The following SEMA6A variants were observed in gnomAD, a reference collection of about 807,000 sequenced individuals.
SEMA6A encodes the protein semaphorin-6A.
In SEMA6A, 25 loss-of-function variants were observed where a neutral mutation model predicts 96.8. The ratio of observed to expected loss-of-function variants is 0.26; its 90% CI spans 0.19 to 0.36. SEMA6A has a LOEUF of 0.36. Ranked by LOEUF, SEMA6A falls within the 10% of genes least tolerant of loss-of-function variation. The pLI is 1.00. For synonymous variants in SEMA6A, 612 were observed against 518.0 expected (o/e 1.18, Z -2.46); for missense variants, 1,363 against 1,323.1 (o/e 1.03, Z -0.47).
At chr5:116,546,237 C>T (rs1760179869) in intron 1 of SEMA6A, among the ~76,000 whole-genome samples, 1 of 152,194 alleles carries the variant, frequency 6.6e-6, no homozygotes, top group Non-Finnish European at 1.5e-5. Context: ...CTTCCTATGA[C>T]ACAGAGTCAC....
At chr5:116,552,283 G>A (rs937520593) in intron 1 of SEMA6A, among the ~76,000 whole-genome samples, 6 of 151,886 alleles carry the variant, frequency 4.0e-5, no homozygotes, top group African/African-American at 1.5e-4. Flanking sequence ...GTGTTAAGTT[G>A]AAAATTACAA....
chr5:116,480,018 A>G, intron 12 of SEMA6A, 104 bp downstream of exon 12: 1 of 1,340,940 alleles, frequency 7.5e-7, no homozygotes, highest in South Asian at 1.3e-5. Flanking sequence ...TGCCCAGGAT[A>G]GCAGAAGATG....
intron 1 of SEMA6A, among the ~76,000 whole-genome samples, chr5:116,509,063 G>A (rs1366349334): frequency 1.3e-5 from 2 of 152,190 alleles, no homozygotes; most frequent in East Asian, 1.9e-4. Context: ...CTACATGTCC[G>A]GTTGCAGCAA....
At chr5:116,466,399 T>A (rs1051692377) in intron 18 of SEMA6A, among the ~76,000 whole-genome samples, 2 of 150,174 alleles carry the variant, frequency 1.3e-5, no homozygotes. Flanking sequence ...AAAAAAAGAT[T>A]TGAGTCAGGG....
At chr5:116,548,588 G>C (rs1290982430) in intron 1 of SEMA6A, among the ~76,000 whole-genome samples, 2 of 152,114 alleles carry the variant, frequency 1.3e-5, no homozygotes, top group Admixed American at 1.3e-4. Context: ...ATTTTTCATT[G>C]ATATAGCTTC....
intron 1 of SEMA6A, among the ~76,000 whole-genome samples, chr5:116,552,371 A>T (rs1331587209): frequency 6.6e-6 from 1 of 152,238 alleles, no homozygotes; most frequent in East Asian, 1.9e-4. Flanking sequence ...GAGAAGTTCT[A>T]TTTTTCCAAG....
chr5:116,534,678 C>G (rs745647973), intron 1 of SEMA6A, among the ~76,000 whole-genome samples: 37 of 152,210 alleles, frequency 2.4e-4, no homozygotes, highest in Non-Finnish European at 4.1e-4. Flanking sequence ...TGACCAGAAG[C>G]TGTAGTGGGA....
At chr5:116,566,977 T>A (rs1761049297) in intron 1 of SEMA6A, among the ~76,000 whole-genome samples, 1 of 152,146 alleles carries the variant, frequency 6.6e-6, no homozygotes, top group African/African-American at 2.4e-5. Context: ...ACAGGTGTGG[T>A]CCTTGGGAAT....
At chr5:116,567,090 A>G (rs969881094) in intron 1 of SEMA6A, among the ~76,000 whole-genome samples, 4 of 152,278 alleles carry the variant, frequency 2.6e-5, no homozygotes, top group African/African-American at 9.6e-5. Context: ...GATAGCTATC[A>G]TTTTTCAAAA....
chr5:116,477,547 C>G (rs1366226896), intron 15 of SEMA6A, among the ~76,000 whole-genome samples: 1 of 152,196 alleles, frequency 6.6e-6, no homozygotes, highest in Non-Finnish European at 1.5e-5. Context: ...TTTCTCCCAC[C>G]ATGATGATCA....
intron 17 of SEMA6A, chr5:116,468,334 C>A (rs893750928): frequency 1.3e-5 from 2 of 152,314 alleles, no homozygotes; most frequent in Non-Finnish European, 2.9e-5. Context: ...CACAGGCATT[C>A]CTCTTTCTGG....
chr5:116,514,256 A>G (rs1758561052), intron 1 of SEMA6A, among the ~76,000 whole-genome samples: 1 of 152,224 alleles, frequency 6.6e-6, no homozygotes, highest in Non-Finnish European at 1.5e-5. Flanking sequence ...CCAACAGTGT[A>G]AAAGCGTTCC....
intron 1 of SEMA6A, among the ~76,000 whole-genome samples, chr5:116,514,284 G>T (rs1437324296): frequency 6.6e-6 from 1 of 152,084 alleles, no homozygotes; most frequent in African/African-American, 2.4e-5. Flanking sequence ...CCACAACCTT[G>T]CTAGTATCTG....
chr5:116,496,191 A>G, intron 5 of SEMA6A, 60 bp downstream of exon 5: 4 of 1,352,326 alleles, frequency 3.0e-6, no homozygotes, highest in Non-Finnish European at 4.2e-6. Flanking sequence ...CTATGGCTGG[A>G]GATAACAGTC....
At chr5:116,459,201 G>A (rs574560245) in intron 18 of SEMA6A, among the ~76,000 whole-genome samples, 1 of 152,126 alleles carries the variant, frequency 6.6e-6, no homozygotes, top group Non-Finnish European at 1.5e-5. Context: ...AGCTAGATAG[G>A]CAAGAAGCAT....
rs573623437 is a variant in SEMA6A at position 116,512,545 on chromosome 5, G to A, written c.-38-7563C>T. ...GATCTGAAACCACTATCACAAAAAC[G>A]TAGAAAAACTGAATTCGTAAGTACT... On this transcript the variant is annotated intron_variant, in intron 1 of 18. Transcript: ENST00000343348. 3.7e-4 allele frequency among the ~76,000 whole-genome samples: 56 copies of A among 152,216 alleles called. No homozygotes were observed. The South Asian group carries it at 7.3e-3, about 20-fold the overall frequency.
intron 16 of SEMA6A, among the ~76,000 whole-genome samples, chr5:116,474,232 C>A (rs1291251994): frequency 1.3e-5 from 2 of 151,774 alleles, no homozygotes; most frequent in African/African-American, 4.8e-5. Context: ...ATGAAAATAG[C>A]TCATTAACAT....
At chr5:116,531,974 T>C (rs1580482416) in intron 1 of SEMA6A, among the ~76,000 whole-genome samples, 1 of 152,044 alleles carries the variant, frequency 6.6e-6, no homozygotes, top group Admixed American at 6.6e-5. Context: ...CCCTAGCCAA[T>C]AGGGGAACAA....
intron 1 of SEMA6A, among the ~76,000 whole-genome samples, chr5:116,513,223 G>T (rs1478008907): frequency 6.6e-6 from 1 of 152,114 alleles, no homozygotes; most frequent in Non-Finnish European, 1.5e-5. Flanking sequence ...TGCCTCCCAG[G>T]TTCAAGTGAT....
Sources: allele counts gnomAD v4.1 joint callset (sites outside exome capture counted in the v4.1 genomes callset), GRCh38; gene constraint gnomAD v4.1.1; transcripts MANE v1.5; gene names NCBI Gene and HGNC (gene_info 2026-07-23, HGNC 2026-07-21).